INHBC: variants seen among roughly 807,000 people sequenced by gnomAD.
INHBC encodes the protein inhibin subunit beta C.
INHBC carries 10 observed loss-of-function variants against 12.4 expected under a neutral mutation model. That is an observed-to-expected ratio of 0.81 (90% CI 0.50 to 1.37). The LOEUF is 1.37. INHBC is among the 40% of genes most tolerant of loss of function. INHBC has a pLI of 0.00. For synonymous variants in INHBC, 147 were observed against 171.6 expected, an observed-to-expected ratio of 0.86 and a Z score of 1.12; for missense variants, 382 against 439.4, an observed-to-expected ratio of 0.87 and a Z score of 1.17.
Position 57,449,414 on chromosome 12 carries a change from A to T in INHBC, c.451A>T (p.Arg151Ter). The T allele has an allele frequency of 1.9e-6, 3 of 1,614,156 alleles. No individual in the cohort carries two copies. Among genetic ancestry groups the T allele is most frequent in the Non-Finnish European group, 2.5e-6 (3 of 1,180,032 alleles). ...PSNTTWTLKV[R>*]VLVLGPHNTN... ...CAATACCACTTGGACCTTGAAAGTG[A>T]GAGTCCTTGTGCTGGGTCCACATAA... The change falls in exon 2 of 2, where the codon AGA becomes TGA. Residue 151 changes from arginine to a stop codon, truncating the protein, a stop_gained. Coordinates refer to ENST00000309668, the MANE Select transcript of INHBC (RefSeq NM_005538.4). LOFTEE classifies it low-confidence loss of function (END_TRUNC).
In INHBC at chr12:57,435,029, A is replaced by C. The variant is rs1401023571; in HGVS notation, c.143A>C (p.Lys48Thr). 4.3e-6 allele frequency: 7 copies of C among 1,614,218 alleles called. No homozygotes were observed. Among genetic ancestry groups the C allele is most frequent in the Non-Finnish European group, 5.9e-6 (7 of 1,180,050 alleles). The stretch of plus-strand genomic sequence containing the variant: ...CGGGAGCTGCTTCTTGATCTGGCCA[A>C]GAGAAGCATCTTGGACAAGCTGCAC... ...SQRELLLDLA[K>T]RSILDKLHLT... Residue 48 changes from lysine (K) to threonine (T), a missense_variant, in exon 1 of 2, where the codon AAG becomes ACG. Coordinates refer to ENST00000309668, the MANE Select transcript of INHBC (RefSeq NM_005538.4).
chr12:57,447,892 A>AAAT (rs1555325179), intron 1 of INHBC, among the ~76,000 whole-genome samples: 15 of 19,876 alleles, frequency 7.5e-4, no homozygotes, highest in African/African-American at 1.4e-3. Context: ...AAAAAAAAAA[A>AAAT]ATATATATAT....
intron 1 of INHBC, among the ~76,000 whole-genome samples, chr12:57,448,100 C>CTCATGTACAGGCATG (rs1341790936): frequency 2.6e-5 from 4 of 151,222 alleles, no homozygotes; most frequent in South Asian, 4.2e-4. Flanking sequence ...GCATGCACTA[C>CTCATGTACAGGCATG]TCCACCCAGC....
Position 57,435,029 on chromosome 12 carries a change from A to T in INHBC, c.143A>T (p.Lys48Met). Residue 48 changes from lysine (K) to methionine (M), a missense_variant, in exon 1 of 2, where the codon AAG becomes ATG. Coordinates refer to ENST00000309668, the MANE Select transcript of INHBC (RefSeq NM_005538.4). ...CGGGAGCTGCTTCTTGATCTGGCCAAGAGAAGCATCTTGGACAAGCTGCAC... is the reference window on the plus strand; with the variant it reads ...CGGGAGCTGCTTCTTGATCTGGCCATGAGAAGCATCTTGGACAAGCTGCAC... The part of the protein sequence containing the change: ...SQRELLLDLA[K>M]RSILDKLHLT... The T allele has an allele frequency of 6.2e-7, 1 of 1,614,218 alleles. No individual in the cohort carries two copies. The highest frequency in any genetic ancestry group is 8.5e-7 in the Non-Finnish European group (1 of 1,180,050).
In INHBC at chr12:57,449,301, G is replaced by A. The variant is rs766217406; in HGVS notation, c.338G>A (p.Arg113His). ...ETGLSTINQT[R>H]LDFHFSSDRT... ...GGCCTCTCCACCATCAACCAGACTC[G>A]TCTTGATTTTCACTTCTCCTCTGAT... The change falls in exon 2 of 2, where the codon CGT (arginine) becomes CAT (histidine). Residue 113 changes from arginine to histidine, a missense_variant. Physicochemically the swap from Arg to His is conservative, Grantham distance 29. Transcript: ENST00000309668. The A allele has an allele frequency of 1.7e-5, 27 of 1,613,862 alleles. No homozygotes were observed. The highest frequency in any genetic ancestry group is 5.5e-5 in the South Asian group (5 of 91,058).
chr12:57,449,673 G>A lies in INHBC; in HGVS notation c.710G>A (p.Gly237Asp). The A allele has an allele frequency of 6.2e-7, 1 of 1,614,246 alleles. No homozygotes were observed. The change falls in exon 2 of 2, where the codon GGC (glycine) becomes GAC (aspartate). Residue 237 changes from glycine to aspartate, a missense_variant. Gly to Asp is a moderately conservative substitution (Grantham distance 94). Transcript: ENST00000309668. ...VGGKHQIHRR[G>D]IDCQGGSRMC... ...GGCAAACACCAGATTCACCGACGAG[G>A]CATCGACTGCCAAGGAGGGTCCAGG...
intron 1 of INHBC, 137 bp from the exon 2 acceptor site, chr12:57,449,140 A>T: frequency 8.7e-7 from 1 of 1,151,078 alleles, no homozygotes; most frequent in South Asian, 1.6e-5. Context: ...TTTCCAGCAC[A>T]TGAACTTTGG....
At chr12:57,448,499 G>A (rs1594730572) in intron 1 of INHBC, among the ~76,000 whole-genome samples, 1 of 151,546 alleles carries the variant, frequency 6.6e-6, no homozygotes, top group Middle Eastern at 3.4e-3. Flanking sequence ...AACCCAGGAG[G>A]CAGAGGTTGC....
chr12:57,450,008 T>G lies in INHBC; in HGVS notation c.1045T>G (p.Cys349Gly), dbSNP rs762397138. ...CATACCTGACATGGTAGTAGAGGCC[T>G]GTGGGTGCAGTTAGTCTATGTGTGG... ...TDIPDMVVEACGCS is the reference protein window; with the variant it reads ...TDIPDMVVEAGGCS The change falls in exon 2 of 2, where the codon TGT (cysteine) becomes GGT (glycine). Residue 349 changes from cysteine (C) to glycine (G), a missense_variant. Coordinates refer to ENST00000309668, the MANE Select transcript of INHBC (RefSeq NM_005538.4). The G allele has an allele frequency of 6.6e-7, 1 of 1,519,340 alleles. No individual in the cohort carries two copies. The highest frequency in any genetic ancestry group is 8.8e-7 in the Non-Finnish European group (1 of 1,134,300). 94.1% of individuals were successfully genotyped at this position (1,519,340 alleles called of 1,614,324 possible).
chr12:57,441,354 CA>C (rs1171735520), intron 1 of INHBC, among the ~76,000 whole-genome samples: 6,268 of 34,114 alleles, frequency 0.18, 149 homozygotes, highest in East Asian at 0.28. Flanking sequence ...AATTCCATCT[CA>C]AAAAAAAAAA....
chr12:57,447,636 G>A (rs1870608518), intron 1 of INHBC, among the ~76,000 whole-genome samples: 1 of 149,636 alleles, frequency 6.7e-6, no homozygotes, highest in Non-Finnish European at 1.5e-5. Flanking sequence ...TGTAATCCCA[G>A]CGCTTTGGGA....
At position 57,450,162 on chromosome 12, in the gene INHBC, C is replaced by A; in HGVS notation, c.*140C>A. 1 of 920,288 alleles carries A rather than the reference C, an allele frequency of 1.1e-6. No individual in the cohort carries two copies. The highest frequency in any genetic ancestry group is 1.5e-6 in the Non-Finnish European group (1 of 659,398). 57.0% of individuals were successfully genotyped at this position (920,288 alleles called of 1,614,324 possible). On this transcript the variant is annotated 3_prime_UTR_variant, in exon 2 of 2. Coordinates refer to ENST00000309668, the MANE Select transcript of INHBC (RefSeq NM_005538.4). ...TTCCTGAGCATCTTATGGAAATTAC[C>A]CCACCTTTGACTTGAAGAAACCTTC... is the stretch of plus-strand genomic sequence containing the variant.
Position 57,451,487 on chromosome 12 carries a change from A to G in INHBC, c.*1465A>G, listed in dbSNP as rs1233409643. ...TGCTCTGAGACTGGGTCCTTTTTAG[A>G]CCTTTGCCCGTCCTCCCCCACATCT... On this transcript the variant is annotated 3_prime_UTR_variant, in exon 2 of 2. Transcript: ENST00000309668. 6.6e-6 allele frequency among the ~76,000 whole-genome samples: 1 copy of G among 151,962 alleles called. No homozygotes were observed. The highest frequency in any genetic ancestry group is 1.5e-5 in the Non-Finnish European group (1 of 67,998).
At chr12:57,447,922 T>TAAATAA (rs1870625243) in intron 1 of INHBC, among the ~76,000 whole-genome samples, 1 of 75,622 alleles carries the variant, frequency 1.3e-5, no homozygotes, top group African/African-American at 5.3e-5. Flanking sequence ...TATATATATA[T>TAAATAA]AAAATATATG....
chr12:57,437,790 T>TTGTC, intron 1 of INHBC, among the ~76,000 whole-genome samples: 1 of 151,734 alleles, frequency 6.6e-6, no homozygotes, highest in African/African-American at 2.4e-5. Context: ...GTTTGTTTGT[T>TTGTC]TGTTTGTTTG....
chr12:57,450,084 T>G lies in INHBC; in HGVS notation c.*62T>G. ...AAAACACGCCCCTACAGAAGTGCACTTCCTTGAGAGGAGGGAATGACCTCA... is the reference window on the plus strand; with the variant it reads ...AAAACACGCCCCTACAGAAGTGCACGTCCTTGAGAGGAGGGAATGACCTCA... On this transcript the variant is annotated 3_prime_UTR_variant, in exon 2 of 2. Transcript: ENST00000309668. The G allele has an allele frequency of 6.9e-7, 1 of 1,439,554 alleles. No homozygotes were observed. Among genetic ancestry groups the G allele is most frequent in the Non-Finnish European group, 9.1e-7 (1 of 1,096,372 alleles). 89.2% of individuals were successfully genotyped at this position (1,439,554 alleles called of 1,614,324 possible). A position where few individuals can be genotyped will look rare whatever the true frequency, so the allele number is the denominator to read the frequency against.
At position 57,450,179 on chromosome 12, in the gene INHBC, G is replaced by T; in HGVS notation, c.*157G>T. The T allele has an allele frequency of 1.4e-6, 1 of 738,614 alleles. No individual in the cohort carries two copies. The highest frequency in any genetic ancestry group is 2.0e-6 in the Non-Finnish European group (1 of 501,230). 45.8% of individuals were successfully genotyped at this position (738,614 alleles called of 1,614,324 possible). A position where few individuals can be genotyped will look rare whatever the true frequency, so the allele number is the denominator to read the frequency against. ...GAAATTACCCCACCTTTGACTTGAA[G>T]AAACCTTCATCTAAAGCAAGTCACT... On this transcript the variant is annotated 3_prime_UTR_variant, in exon 2 of 2. Coordinates refer to ENST00000309668, the MANE Select transcript of INHBC (RefSeq NM_005538.4).
At chr12:57,437,688 A>G (rs545132007) in intron 1 of INHBC, among the ~76,000 whole-genome samples, 19 of 151,292 alleles carry the variant, frequency 1.3e-4, no homozygotes, top group Admixed American at 5.9e-4. Flanking sequence ...AAAAAAAAGA[A>G]AGAAAGAAAA....
rs1566552328 is a variant in INHBC at position 57,450,843 on chromosome 12, T to TAA, written c.*822_*823insAA. 2 of 152,324 alleles carry TAA rather than the reference T, an allele frequency of 1.3e-5. No individual in the cohort carries two copies. Among genetic ancestry groups the TAA allele is most frequent in the Non-Finnish European group, 2.9e-5 (2 of 68,172 alleles). 9.4% of individuals were successfully genotyped at this position (152,324 alleles called of 1,614,324 possible). ...CATTCTGATATAACTGCTTCAACACTAGGGGGTCCTAAAGGCTTTCTATCT... is the reference window on the plus strand; with the variant it reads ...CATTCTGATATAACTGCTTCAACACTAAAGGGGGTCCTAAAGGCTTTCTATCT... On this transcript the variant is annotated 3_prime_UTR_variant, in exon 2 of 2. Transcript: ENST00000309668.
Sources: gnomAD v4.1 joint callset for allele counts (sites outside exome capture counted in the v4.1 genomes callset) on GRCh38, gnomAD v4.1.1 for gene constraint, MANE v1.5 for transcripts, NCBI Gene and HGNC (gene_info 2026-07-23, HGNC 2026-07-21) for gene names.